Variants in MEAK7 observed in about 807,000 individuals in gnomAD.
The protein encoded by MEAK7 is MTOR associated protein MEAK7, also known as MTOR-associated protein MEAK7.
In MEAK7, 68 loss-of-function variants were observed where a neutral mutation model predicts 40.5. The observed-to-expected ratio is 1.68, with a 90% CI of 1.38 to 2.06. The LOEUF is 2.06. Among genes scored for constraint, MEAK7 ranks in the 30% most tolerant of loss-of-function variants. MEAK7 has a pLI of 0.00. For synonymous variants in MEAK7, 338 were observed against 231.9 expected (o/e 1.46, Z -4.16); for missense variants, 918 against 580.5 (o/e 1.58, Z -5.98).
chr16:84,487,056 C>T lies in MEAK7; in HGVS notation c.533G>A (p.Gly178Asp), dbSNP rs1325228177. The change falls in exon 5 of 8, where the codon GGC becomes GAC. Residue 178 changes from glycine to aspartate, a missense_variant. Physicochemically the swap from Gly to Asp is moderately conservative, Grantham distance 94 (BLOSUM62 -1). Coordinates refer to ENST00000343629, the MANE Select transcript of MEAK7 (RefSeq NM_020947.4). ...CCACTGGGGCCCCAGAAGTCTCTTG[C>T]CATCTAGGGGAAGGGGATGGTCAGC... The part of the protein sequence containing the change: ...QLLSDMKLQD[G>D]KRLLGPQWLD... The T allele has an allele frequency of 3.7e-6, 6 of 1,609,276 alleles. No individual in the cohort carries two copies. The South Asian group carries it at 5.6e-5, about 15-fold the overall frequency.
rs1327572183 is a variant in MEAK7, at chr16:84,477,289, T to G, written c.*2624A>C. On this transcript the variant is annotated 3_prime_UTR_variant, in exon 8 of 8. Coordinates refer to ENST00000343629, the MANE Select transcript of MEAK7 (RefSeq NM_020947.4). ...TCACCACAACCTCTGCCTCCCTGGT[T>G]CAAGCAATTCTACTACCTCAGCCTC... is the stretch of plus-strand genomic sequence containing the variant. 1.3e-5 allele frequency: 2 copies of G among 152,332 alleles called. No individual in the cohort carries two copies. Among genetic ancestry groups the G allele is most frequent in the African/African-American group, 4.8e-5 (2 of 41,376 alleles). 9.4% of individuals were successfully genotyped at this position (152,332 alleles called of 1,614,324 possible).
At chr16:84,484,421 C>A (rs1375633481) in intron 5 of MEAK7, among the ~76,000 whole-genome samples, 3 of 152,226 alleles carry the variant, frequency 2.0e-5, no homozygotes, top group African/African-American at 7.2e-5. Context: ...AGCTGAGGCC[C>A]AGAAAATGAA....
At chr16:84,480,055 T>C (rs142060142) in intron 7 of MEAK7, 29 bp from the exon 8 acceptor site, 4 of 1,535,490 alleles carry the variant, frequency 2.6e-6, no homozygotes, top group Non-Finnish European at 2.7e-6. Flanking sequence ...GGTGGGTGTG[T>C]TCCATGATGG....
At chr16:84,491,581 A>C (rs576536292) in intron 3 of MEAK7, among the ~76,000 whole-genome samples, 4 of 148,548 alleles carry the variant, frequency 2.7e-5, no homozygotes, top group Admixed American at 2.0e-4. Flanking sequence ...ACTCACGCCT[A>C]TAATCCCAGC....
intron 1 of MEAK7, chr16:84,504,286 T>A: frequency 2.2e-6 from 1 of 453,684 alleles, no homozygotes; most frequent in Non-Finnish European, 2.9e-6. Context: ...TGAATCCCCC[T>A]TCAACACGGC....
chr16:84,486,955 C>T lies in MEAK7; in HGVS notation c.634G>A (p.Val212Met), dbSNP rs770825025. The change falls in exon 5 of 8, where the codon GTG becomes ATG. Residue 212 changes from valine (V) to methionine (M), a missense_variant. Val to Met is a conservative substitution (Grantham distance 21). Transcript: ENST00000343629. ...RVPHVAIFLS[V>M]VICKGFLILC... is the part of the protein sequence containing the mutation. ...ATGAGAAAGCCCTTGCAAATGACCA[C>T]ACTCAGGAATATGGCCACATGGGGG... 6.8e-6 allele frequency: 11 copies of T among 1,614,192 alleles called. No individual in the cohort carries two copies. The highest frequency in any genetic ancestry group is 9.3e-6 in the Non-Finnish European group (11 of 1,180,030).
At chr16:84,496,529 A>ATC (rs1371003567) in intron 2 of MEAK7, among the ~76,000 whole-genome samples, 1 of 152,036 alleles carries the variant, frequency 6.6e-6, no homozygotes, top group Non-Finnish European at 1.5e-5. Flanking sequence ...ATGTCATTTT[A>ATC]TCTAAACTGG....
Position 84,487,094 on chromosome 16 carries a change from G to C in MEAK7, c.530-35C>G, listed in dbSNP as rs772691297. 4 of 1,572,926 alleles carry C rather than the reference G, an allele frequency of 2.5e-6. No homozygotes were observed. In the African/African-American group the frequency reaches 4.1e-5, roughly 16 times the overall value. Reference sequence around the variant, plus strand: ...GGGGATGGTCAGCATTAGTGGGGCTGTTATGTCACCATTTAGCTACTATCT... The same window carrying C: ...GGGGATGGTCAGCATTAGTGGGGCTCTTATGTCACCATTTAGCTACTATCT... On this transcript the variant is annotated intron_variant, in intron 4 of 7. Coordinates refer to ENST00000343629, the MANE Select transcript of MEAK7 (RefSeq NM_020947.4).
chr16:84,477,879 A>C lies in MEAK7; in HGVS notation c.*2034T>G, dbSNP rs390892. On this transcript the variant is annotated 3_prime_UTR_variant, in exon 8 of 8. Coordinates refer to ENST00000343629, the MANE Select transcript of MEAK7 (RefSeq NM_020947.4). ...CCAGGCTCCCAAGCCCGGGCCAGTG[A>C]CCTTTCTCTAAGTGCACTGCCTGGA... The C allele has an allele frequency of 0.51, 78,019 of 151,678 alleles. 20,452 individuals are homozygous for C. Among genetic ancestry groups the C allele is most frequent in the African/African-American group, 0.58 (23,921 of 41,318 alleles). 9.4% of individuals were successfully genotyped at this position (151,678 alleles called of 1,614,324 possible).
intron 3 of MEAK7, chr16:84,494,809 T>C (rs990601930): frequency 2.2e-6 from 1 of 455,788 alleles, no homozygotes; most frequent in Non-Finnish European, 4.4e-6. Context: ...CATTTTCCTC[T>C]AAAATCCTTT....
chr16:84,482,797 G>C (rs1265209118), intron 5 of MEAK7, 87 bp from the exon 6 acceptor site: 14 of 1,562,168 alleles, frequency 9.0e-6, no homozygotes, highest in Non-Finnish European at 1.2e-5. Context: ...TGCAGCTCAG[G>C]AAGCAACAGG....
Position 84,486,943 on chromosome 16 carries a change from T to C in MEAK7, c.646A>G (p.Lys216Glu). The C allele has an allele frequency of 6.2e-7, 1 of 1,614,142 alleles. No homozygotes were observed. Among genetic ancestry groups the C allele is most frequent in the South Asian group, 1.1e-5 (1 of 91,076 alleles). ...GACGAGCACAGGATGAGAAAGCCCT[T>C]GCAAATGACCACACTCAGGAATATG... The part of the protein sequence containing the change: ...VAIFLSVVIC[K>E]GFLILCSSLD... The change falls in exon 5 of 8, where the codon AAG (lysine) becomes GAG (glutamate). Residue 216 changes from lysine to glutamate, a missense_variant. Physicochemically the swap from Lys to Glu is moderately conservative, Grantham distance 56. Transcript: ENST00000343629.
rs897336500 is a variant in MEAK7 at position 84,476,460 on chromosome 16, C to T, written c.*3453G>A. ...AGCTCAAGAGGTTTTTTTAATTCAT[C>T]TATATCTAAATAAAAGGCATATACC... is the stretch of plus-strand genomic sequence containing the variant. On this transcript the variant is annotated 3_prime_UTR_variant, in exon 8 of 8. Transcript: ENST00000343629. The T allele has an allele frequency of 1.3e-5, 2 of 152,076 alleles. No homozygotes were observed. The highest frequency in any genetic ancestry group is 4.8e-5 in the African/African-American group (2 of 41,398). 9.4% of individuals were successfully genotyped at this position (152,076 alleles called of 1,614,324 possible).
At chr16:84,496,792 T>G (rs1213736641) in intron 2 of MEAK7, among the ~76,000 whole-genome samples, 2 of 151,968 alleles carry the variant, frequency 1.3e-5, no homozygotes, top group Non-Finnish European at 2.9e-5. Context: ...GCCTCCAAAC[T>G]CTCCTGTCTT....
chr16:84,489,519 C>G (rs1337837823), intron 3 of MEAK7, 97 bp from the exon 4 acceptor site: 2 of 1,353,322 alleles, frequency 1.5e-6, no homozygotes, highest in Admixed American at 4.8e-5. Context: ...TTAACACCAA[C>G]TATGATGGGC....
rs1371182791 is a variant in MEAK7, at chr16:84,479,538, A to G, written c.*375T>C. 1 of 156,784 alleles carries G rather than the reference A, an allele frequency of 6.4e-6. No homozygotes were observed. The highest frequency in any genetic ancestry group is 2.5e-5 in the African/African-American group (1 of 39,938). The allele number at this position is 156,784 out of a possible 1,614,324, so 9.7% of individuals were successfully genotyped here. A position where few individuals can be genotyped will look rare whatever the true frequency, so the allele number is the denominator to read the frequency against. ...AGCGGAATTCCCTAATGCCAGCGGA[A>G]TTCCCTAATGCCAGCGGAATTCCCT... On this transcript the variant is annotated 3_prime_UTR_variant, in exon 8 of 8. Coordinates refer to ENST00000343629, the MANE Select transcript of MEAK7 (RefSeq NM_020947.4).
intron 5 of MEAK7, among the ~76,000 whole-genome samples, chr16:84,483,918 A>T (rs1197783501): frequency 1.3e-5 from 2 of 152,172 alleles, no homozygotes; most frequent in Non-Finnish European, 2.9e-5. Flanking sequence ...GGAACCAGCT[A>T]AGTGAAGGGC....
At position 84,480,668 on chromosome 16, in the gene MEAK7, T is replaced by A. The variant is rs1334050700; in HGVS notation, c.1118A>T (p.Asp373Val). Reference sequence around the variant, plus strand: ...GCTGTGTCCTTTCCCAAAATCAACATCCACCCAAAGCCCAAAGTAATTGTG... The same window carrying A: ...GCTGTGTCCTTTCCCAAAATCAACAACCACCCAAAGCCCAAAGTAATTGTG... ...GQHNYFGLWV[D>V]VDFGKGHSRA... The change falls in exon 7 of 8, where the codon GAT becomes GTT. Residue 373 changes from aspartate to valine, a missense_variant. Coordinates refer to ENST00000343629, the MANE Select transcript of MEAK7 (RefSeq NM_020947.4). 7 of 1,613,520 alleles carry A rather than the reference T, an allele frequency of 4.3e-6. No individual in the cohort carries two copies. Among genetic ancestry groups the A allele is most frequent in the Middle Eastern group, 1.6e-4 (1 of 6,084 alleles).
At chr16:84,491,177 C>T (rs111575758) in intron 3 of MEAK7, among the ~76,000 whole-genome samples, 4 of 152,342 alleles carry the variant, frequency 2.6e-5, no homozygotes, top group East Asian at 1.9e-4. Context: ...TGGTGGCTCA[C>T]GCCTGTAATC....
Sources: gnomAD v4.1 joint callset for allele counts (sites outside exome capture counted in the v4.1 genomes callset) on GRCh38, gnomAD v4.1.1 for gene constraint, MANE v1.5 for transcripts, NCBI Gene and HGNC (gene_info 2026-07-23, HGNC 2026-07-21) for gene names.